Variants in MYH10 observed in about 807,000 individuals in gnomAD.
MYH10 encodes the protein myosin-10.
A neutral mutation model predicts 257.8 loss-of-function variants in MYH10; 55 were observed. The ratio of observed to expected loss-of-function variants is 0.21; its 90% CI spans 0.17 to 0.27. The LOEUF is 0.27. Ranked by LOEUF, MYH10 falls within the 10% of genes least tolerant of loss-of-function variation. The pLI is 1.00. For missense variants in MYH10, 1,631 were observed against 2,500.6 expected, an observed-to-expected ratio of 0.65 and a Z score of 7.42; for synonymous variants, 854 against 921.7, an observed-to-expected ratio of 0.93 and a Z score of 1.33.
At position 8,585,085 on chromosome 17, in the gene MYH10, C is replaced by G. The variant is rs796491405; in HGVS notation, c.530+3996G>C. Among the ~76,000 whole-genome samples, 18 of 151,816 alleles carry G rather than the reference C, an allele frequency of 1.2e-4. 1 individual carries two copies. The highest frequency in any genetic ancestry group is 4.3e-4 in the African/African-American group (18 of 41,412). On this transcript the variant is annotated intron_variant, in intron 4 of 42. Transcript: ENST00000360416. ...TGCGAACTCCCAGCCTCAGGTGATCCGCCCACCTTGGCCTCCCAAAGTGCT... is the reference window on the plus strand; with the variant it reads ...TGCGAACTCCCAGCCTCAGGTGATCGGCCCACCTTGGCCTCCCAAAGTGCT...
chr17:8,484,417 G>A (rs373788029), intron 36 of MYH10, 151 bp from the exon 37 acceptor site: 84 of 624,734 alleles, frequency 1.3e-4, no homozygotes, highest in South Asian at 6.6e-4. Flanking sequence ...TGTGAGCTGC[G>A]GTGCCTGGCC....
intron 4 of MYH10, among the ~76,000 whole-genome samples, chr17:8,581,763 A>G (rs1001350718): frequency 2.0e-4 from 30 of 152,310 alleles, no homozygotes; most frequent in African/African-American, 7.2e-4. Context: ...AACATTATCC[A>G]TTATTGTCCA....
At chr17:8,627,424 GA>G (rs1357079386) in intron 1 of MYH10, among the ~76,000 whole-genome samples, 1 of 152,194 alleles carries the variant, frequency 6.6e-6, no homozygotes, top group Non-Finnish European at 1.5e-5. Context: ...CATCCTTTCA[GA>G]AGTTCTTTTC....
chr17:8,488,922 T>C (rs928236414), intron 35 of MYH10, among the ~76,000 whole-genome samples: 46 of 152,290 alleles, frequency 3.0e-4, no homozygotes, highest in East Asian at 1.9e-4. Flanking sequence ...AATTCTTTAA[T>C]ACTCCCCACC....
chr17:8,587,825 G>A (rs1172121670), intron 4 of MYH10, among the ~76,000 whole-genome samples: 7 of 152,112 alleles, frequency 4.6e-5, no homozygotes, highest in Non-Finnish European at 8.8e-5. Context: ...AAAGTAGCAG[G>A]TTCATACTTG....
chr17:8,533,140 A>G (rs887154605), intron 16 of MYH10, among the ~76,000 whole-genome samples: 6 of 152,016 alleles, frequency 3.9e-5, no homozygotes, highest in Admixed American at 6.6e-5. Flanking sequence ...CCCCATATTC[A>G]ACTCCTCACT....
intron 30 of MYH10, among the ~76,000 whole-genome samples, chr17:8,496,304 G>A (rs1039368977): frequency 2.0e-5 from 3 of 152,210 alleles, no homozygotes; most frequent in African/African-American, 7.2e-5. Flanking sequence ...CAGAGCACAT[G>A]CTGTAACGCT....
rs1259170744 is a variant in MYH10, at chr17:8,535,908, G to T, written c.1629C>A (p.Ala543=). 1 of 1,613,946 alleles carries T rather than the reference G, an allele frequency of 6.2e-7. No individual in the cohort carries two copies. Among genetic ancestry groups the T allele is most frequent in the Admixed American group, 1.7e-5 (1 of 59,990 alleles). The change falls in exon 15 of 43, where the codon GCC becomes GCA. Residue 543 remains alanine (A), a synonymous_variant. Transcript: ENST00000360416. The surrounding 1 kb of genome is among the most constrained non-coding windows in gnomAD (Gnocchi z 4.3). ...ERPANPPGVL[A]LLDEECWFPK... is the part of the protein sequence containing the mutation. ...GGAACCAGCATTCTTCATCCAAAAG[G>T]GCCAGTACACCAGGAGGGTTCGCCT... is the stretch of plus-strand genomic sequence containing the variant.
chr17:8,623,273 T>C lies in MYH10; in HGVS notation c.-27A>G. 4 of 1,550,696 alleles carry C rather than the reference T, an allele frequency of 2.6e-6. No individual in the cohort carries two copies. The highest frequency in any genetic ancestry group is 1.7e-4 in the Middle Eastern group (1 of 5,788). On this transcript the variant is annotated 5_prime_UTR_variant, in exon 2 of 43. Coordinates refer to ENST00000360416, the MANE Select transcript of MYH10 (RefSeq NM_001256012.3). ...GTAAATGGAACGATCCAAAAGCAAT[T>C]GCCTCTAAGAGAAGAGGAGGAGGGC... is the stretch of plus-strand genomic sequence containing the variant.
chr17:8,593,741 G>C (rs934136891), intron 3 of MYH10, among the ~76,000 whole-genome samples: 2 of 152,072 alleles, frequency 1.3e-5, no homozygotes, highest in African/African-American at 4.8e-5. Context: ...ACTCAATATT[G>C]TTGTTAATTC....
intron 24 of MYH10, among the ~76,000 whole-genome samples, chr17:8,510,771 T>C (rs538102432): frequency 1.1e-4 from 16 of 152,178 alleles, no homozygotes; most frequent in African/African-American, 3.4e-4. Context: ...ATAATTTAAA[T>C]AGTACAGGTC....
chr17:8,512,165 T>C (rs753993786), intron 24 of MYH10, among the ~76,000 whole-genome samples: 4 of 152,230 alleles, frequency 2.6e-5, no homozygotes, highest in Non-Finnish European at 5.9e-5. Context: ...TTCTACAGAA[T>C]GCTATAGATC....
At chr17:8,568,345 A>C (rs1244477523) in intron 7 of MYH10, among the ~76,000 whole-genome samples, 1 of 152,166 alleles carries the variant, frequency 6.6e-6, no homozygotes, top group Admixed American at 6.5e-5. Flanking sequence ...CTAGTGAACT[A>C]ATCCAGAGGG....
intron 14 of MYH10, among the ~76,000 whole-genome samples, chr17:8,539,631 T>A (rs1160642288): frequency 6.6e-6 from 1 of 152,028 alleles, no homozygotes; most frequent in Non-Finnish European, 1.5e-5. Context: ...ACTCTGTCAC[T>A]CAGGCTGGAA....
intron 35 of MYH10, among the ~76,000 whole-genome samples, chr17:8,488,405 G>A (rs997476790): frequency 2.0e-5 from 3 of 152,214 alleles, no homozygotes; most frequent in Non-Finnish European, 2.9e-5. Flanking sequence ...AGTCCACAGG[G>A]ACTGTGTGTC....
chr17:8,514,189 C>T (rs1231824734), intron 21 of MYH10, among the ~76,000 whole-genome samples: 1 of 152,134 alleles, frequency 6.6e-6, no homozygotes, highest in East Asian at 1.9e-4. Context: ...ACCCACACTG[C>T]GCACACTAAG....
At chr17:8,501,648 G>A (rs1234842434) in intron 28 of MYH10, among the ~76,000 whole-genome samples, 1 of 152,156 alleles carries the variant, frequency 6.6e-6, no homozygotes, top group Non-Finnish European at 1.5e-5. Flanking sequence ...TTGGGGAGGA[G>A]GGCATTATCT....
chr17:8,600,239 G>A (rs2084540515), intron 3 of MYH10, among the ~76,000 whole-genome samples: 1 of 152,192 alleles, frequency 6.6e-6, no homozygotes, highest in South Asian at 2.1e-4. Context: ...GACAAGGGAG[G>A]GGTTTAGGAA....
intron 9 of MYH10, among the ~76,000 whole-genome samples, chr17:8,550,200 G>A (rs1425249300): frequency 6.6e-6 from 1 of 151,156 alleles, no homozygotes; most frequent in Non-Finnish European, 1.5e-5. Flanking sequence ...TCTGGAAAGT[G>A]AGGAGCGTCT....
Sources: allele counts gnomAD v4.1 joint callset (sites outside exome capture counted in the v4.1 genomes callset), GRCh38; gene constraint gnomAD v4.1.1; non-coding constraint Gnocchi (gnomAD v3.1); transcripts MANE v1.5; gene names NCBI Gene and HGNC (gene_info 2026-07-23, HGNC 2026-07-21).